Variants in HS6ST2 observed in about 807,000 individuals in gnomAD.
The protein encoded by HS6ST2 is heparan-sulfate 6-O-sulfotransferase 2.
HS6ST2 carries 17 observed loss-of-function variants against 33.0 expected under a neutral mutation model. The observed-to-expected ratio is 0.52, with a 90% CI of 0.35 to 0.77. The LOEUF (loss-of-function observed/expected upper bound fraction) is 0.77. HS6ST2 is among the 30% of genes least tolerant of loss of function. The pLI is 0.01. For missense variants in HS6ST2, 519 were observed against 551.7 expected, an observed-to-expected ratio of 0.94 and a Z score of 0.59; for synonymous variants, 248 against 237.1, an observed-to-expected ratio of 1.05 and a Z score of -0.42.
chrX:132,883,307 C>A (rs923939167), intron 2 of HS6ST2, among the ~76,000 whole-genome samples: 3 of 111,086 alleles, frequency 2.7e-5, no homozygotes, highest in African/African-American at 9.8e-5. Context: ...AATTTCAGAG[C>A]CTGTTATTGG....
chrX:132,730,669 T>A, intron 2 of HS6ST2, among the ~76,000 whole-genome samples: 1 of 112,549 alleles, frequency 8.9e-6, no homozygotes, highest in Non-Finnish European at 1.9e-5. Context: ...TCTTTGTGCC[T>A]CCTGCCCTCT....
chrX:132,687,978 A>T (rs761552723), intron 3 of HS6ST2, among the ~76,000 whole-genome samples: 23 of 112,001 alleles, frequency 2.1e-4, no homozygotes, highest in Non-Finnish European at 3.8e-4. Flanking sequence ...CGAACTCCTG[A>T]CATCAGGTGA....
At chrX:132,787,186 T>TATAC (rs1257971724) in intron 2 of HS6ST2, among the ~76,000 whole-genome samples, 1 of 77,160 alleles carries the variant, frequency 1.3e-5, no homozygotes, top group Non-Finnish European at 2.3e-5. Flanking sequence ...TATATATATA[T>TATAC]ACATATATAT....
At chrX:132,775,280 C>T (rs1742760754) in intron 2 of HS6ST2, among the ~76,000 whole-genome samples, 1 of 111,523 alleles carries the variant, frequency 9.0e-6, no homozygotes. Flanking sequence ...ATTCAACCTC[C>T]TCCAGGAAAC....
chrX:132,940,587 A>T (rs949470249), intron 2 of HS6ST2, among the ~76,000 whole-genome samples: 1 of 112,186 alleles, frequency 8.9e-6, no homozygotes, highest in Non-Finnish European at 1.9e-5. Flanking sequence ...TATTAAAAAG[A>T]AAAAGAAATA....
chrX:132,848,530 CA>C (rs1293614280), intron 2 of HS6ST2, among the ~76,000 whole-genome samples: 2 of 112,539 alleles, frequency 1.8e-5, no homozygotes, highest in Non-Finnish European at 3.8e-5. Context: ...GCGCTCAGCA[CA>C]CATTCATCTG....
At chrX:132,887,453 A>T (rs1326289132) in intron 2 of HS6ST2, among the ~76,000 whole-genome samples, 2 of 112,230 alleles carry the variant, frequency 1.8e-5, no homozygotes, top group Non-Finnish European at 3.8e-5. Flanking sequence ...GCAAAAGGAG[A>T]ACCACTGTAC....
chrX:132,735,483 A>G (rs1375634055), intron 2 of HS6ST2: 1 of 112,190 alleles, frequency 8.9e-6, no homozygotes, highest in African/African-American at 3.2e-5. Flanking sequence ...GGGAAAACCG[A>G]CCCGTGACAA....
At chrX:132,777,330 C>T (rs2064970988) in intron 2 of HS6ST2, among the ~76,000 whole-genome samples, 1 of 109,054 alleles carries the variant, frequency 9.2e-6, no homozygotes, top group South Asian at 4.2e-4. Context: ...GATTATATGT[C>T]ACCAACTATC....
intron 2 of HS6ST2, among the ~76,000 whole-genome samples, chrX:132,819,765 G>C (rs1294669382): frequency 8.9e-6 from 1 of 111,906 alleles, no homozygotes; most frequent in Non-Finnish European, 1.9e-5. Context: ...AAGTGAACTT[G>C]CAAGAGAGCC....
chrX:132,839,315 T>TATATATAC (rs1457842091), intron 2 of HS6ST2, among the ~76,000 whole-genome samples: 1 of 21,174 alleles, frequency 4.7e-5, no homozygotes, highest in Non-Finnish European at 8.3e-5. Context: ...TATATATATA[T>TATATATAC]ACACACACAT....
At chrX:132,947,022 C>T (rs904338438) in intron 2 of HS6ST2, among the ~76,000 whole-genome samples, 7 of 111,388 alleles carry the variant, frequency 6.3e-5, no homozygotes, top group South Asian at 7.5e-4. Flanking sequence ...TTCCTTCACA[C>T]GCACTCAGGT....
chrX:132,776,233 G>A (rs1389970657), intron 2 of HS6ST2, among the ~76,000 whole-genome samples: 1 of 111,982 alleles, frequency 8.9e-6, no homozygotes, highest in Admixed American at 9.5e-5. Context: ...ATTGAAAAGA[G>A]AATTGTCGCA....
chrX:132,725,198 T>C (rs2064380095), intron 2 of HS6ST2, among the ~76,000 whole-genome samples: 1 of 109,882 alleles, frequency 9.1e-6, no homozygotes, highest in Non-Finnish European at 1.9e-5. Context: ...ATATAATAAA[T>C]AAAGTGAAGA....
At chrX:132,943,179 T>C (rs2066906345) in intron 2 of HS6ST2, among the ~76,000 whole-genome samples, 2 of 111,986 alleles carry the variant, frequency 1.8e-5, no homozygotes, top group African/African-American at 6.5e-5. Context: ...TCTTGGTATC[T>C]CCAGATAGTT....
chrX:132,631,762 C>T (rs1312225765), intron 4 of HS6ST2, among the ~76,000 whole-genome samples: 4 of 111,565 alleles, frequency 3.6e-5, no homozygotes, highest in Non-Finnish European at 5.6e-5. Flanking sequence ...CTTGCCCTAA[C>T]TTCTTGTATT....
intron 2 of HS6ST2, among the ~76,000 whole-genome samples, chrX:132,840,476 C>T (rs1432865743): frequency 9.1e-6 from 1 of 109,959 alleles, no homozygotes; most frequent in African/African-American, 3.3e-5. Flanking sequence ...TCCCTCCCTC[C>T]CTTTCTCTCT....
intron 2 of HS6ST2, among the ~76,000 whole-genome samples, chrX:132,771,331 A>G (rs766091949): frequency 8.9e-6 from 1 of 112,098 alleles, no homozygotes; most frequent in African/African-American, 3.2e-5. Context: ...TTTCTAATGA[A>G]CAATGTATTA....
chrX:132,728,444 G>A (rs932475824), intron 2 of HS6ST2, among the ~76,000 whole-genome samples: 3 of 111,642 alleles, frequency 2.7e-5, no homozygotes, highest in African/African-American at 9.8e-5. Flanking sequence ...CAAGGCAGCG[G>A]GTGTGGGAGC....
Sources: allele counts gnomAD v4.1 joint callset (sites outside exome capture counted in the v4.1 genomes callset), GRCh38; gene constraint gnomAD v4.1.1; transcripts MANE v1.5; gene names NCBI Gene and HGNC (gene_info 2026-07-23, HGNC 2026-07-21).